Variants in RPS6KC1 observed in about 807,000 individuals in gnomAD.
RPS6KC1 encodes the protein ribosomal protein S6 kinase C1.
Under a neutral mutation model 103.8 loss-of-function variants are expected in RPS6KC1, and 54 were observed. The observed-to-expected ratio is 0.52, with a 90% CI of 0.42 to 0.65. RPS6KC1 has a LOEUF of 0.65. RPS6KC1 is among the 30% of genes least tolerant of loss of function. The pLI is 0.00. For synonymous variants in RPS6KC1, 439 were observed against 438.7 expected (o/e 1.00, Z -0.01); for missense variants, 1,151 against 1,253.8 (o/e 0.92, Z 1.24).
chr1:213,682,394 G>A, the RPS6KC1 span, among the ~76,000 whole-genome samples: 1 of 152,274 alleles, frequency 6.6e-6, no homozygotes, highest in African/African-American at 2.4e-5. Flanking sequence ...TACGTGTCAC[G>A]TCTTCTGCCA....
At chr1:213,255,172 T>TCCCATGCCTGTGGTCCTGGGA (rs1295955086) in intron 12 of RPS6KC1, among the ~76,000 whole-genome samples, 8 of 151,640 alleles carry the variant, frequency 5.3e-5, no homozygotes, top group African/African-American at 1.7e-4. Context: ...CCAAGTGTGG[T>TCCCATGCCTGTGGTCCTGGGA]CCCATGCCTG....
chr1:213,525,939 G>T, the RPS6KC1 span, among the ~76,000 whole-genome samples: 1 of 152,164 alleles, frequency 6.6e-6, no homozygotes, highest in Admixed American at 6.5e-5. Context: ...CTTATTTAAA[G>T]AATTGTGCTG....
chr1:213,819,245 T>A, the RPS6KC1 span: 1 of 152,278 alleles, frequency 6.6e-6, no homozygotes, highest in Non-Finnish European at 1.5e-5. Flanking sequence ...AGGAAGGAAG[T>A]CCATTCAGCT....
the RPS6KC1 span, among the ~76,000 whole-genome samples, chr1:213,830,022 G>C: frequency 2.0e-5 from 3 of 152,300 alleles, no homozygotes; most frequent in South Asian, 6.2e-4. Context: ...GATTAGGCCT[G>C]TCAGAACCTC....
chr1:213,317,274 A>C, the RPS6KC1 span, among the ~76,000 whole-genome samples: 1 of 152,000 alleles, frequency 6.6e-6, no homozygotes, highest in East Asian at 1.9e-4. Flanking sequence ...CCTATTGTAC[A>C]TTCTCTGTCT....
chr1:213,826,602 C>T, the RPS6KC1 span, among the ~76,000 whole-genome samples: 172 of 152,136 alleles, frequency 1.1e-3, no homozygotes, highest in Non-Finnish European at 1.8e-3. Flanking sequence ...TTTAAGATGG[C>T]AAAAGCAGGG....
intron 8 of RPS6KC1, among the ~76,000 whole-genome samples, chr1:213,230,116 TAGG>T (rs1481619690): frequency 6.6e-6 from 1 of 152,206 alleles, no homozygotes; most frequent in Non-Finnish European, 1.5e-5. Flanking sequence ...AGTTGCTACA[TAGG>T]AGATTTTAGG....
At chr1:213,789,695 T>C in the RPS6KC1 span, among the ~76,000 whole-genome samples, 1 of 152,192 alleles carries the variant, frequency 6.6e-6, no homozygotes, top group African/African-American at 2.4e-5. Context: ...GATAGTACAA[T>C]GTGACCAATT....
the RPS6KC1 span, among the ~76,000 whole-genome samples, chr1:213,405,714 A>G: frequency 6.6e-6 from 1 of 152,338 alleles, no homozygotes; most frequent in Admixed American, 6.5e-5. Flanking sequence ...AATGGCCAGG[A>G]CTGAGGTTCG....
At chr1:213,553,823 A>T in the RPS6KC1 span, among the ~76,000 whole-genome samples, 1 of 152,022 alleles carries the variant, frequency 6.6e-6, no homozygotes, top group Non-Finnish European at 1.5e-5. Flanking sequence ...CTGTGTGTAT[A>T]ACTTCTTTTG....
At chr1:213,859,939 T>C in the RPS6KC1 span, among the ~76,000 whole-genome samples, 4 of 152,020 alleles carry the variant, frequency 2.6e-5, no homozygotes, top group Non-Finnish European at 5.9e-5. Context: ...ACCCATCTTT[T>C]TGGAAGTAGA....
At chr1:213,278,567 C>T (rs2095116852), downstream of RPS6KC1, among the ~76,000 whole-genome samples, 1 of 152,196 alleles carries the variant, frequency 6.6e-6, no homozygotes, top group African/African-American at 2.4e-5. Flanking sequence ...TAAAATTGAA[C>T]TCTTCCCCCG....
chr1:213,354,241 A>T, the RPS6KC1 span, among the ~76,000 whole-genome samples: 3 of 152,220 alleles, frequency 2.0e-5, no homozygotes, highest in African/African-American at 7.2e-5. Context: ...AGCTCTTAGC[A>T]TCACCTGGCA....
chr1:213,623,107 G>C, the RPS6KC1 span, among the ~76,000 whole-genome samples: 1 of 152,174 alleles, frequency 6.6e-6, no homozygotes, highest in African/African-American at 2.4e-5. Context: ...TGGCAACCTG[G>C]CTGTAGAAGG....
intron 11 of RPS6KC1, 48 bp downstream of exon 11, chr1:213,242,345 A>T: frequency 6.3e-7 from 1 of 1,594,068 alleles, no homozygotes; most frequent in East Asian, 2.2e-5. Context: ...TGTTGCTTCC[A>T]ATTAACTGAG....
chr1:213,522,337 A>T, the RPS6KC1 span, among the ~76,000 whole-genome samples: 1 of 152,202 alleles, frequency 6.6e-6, no homozygotes, highest in South Asian at 2.1e-4. Flanking sequence ...GCTGTCATCT[A>T]GTCTTTGTTG....
the RPS6KC1 span, among the ~76,000 whole-genome samples, chr1:213,497,241 T>A: frequency 2.0e-5 from 3 of 152,216 alleles, no homozygotes; most frequent in Non-Finnish European, 4.4e-5. Context: ...TGCTATAGCA[T>A]ATGTTTGTTC....
At chr1:213,713,738 C>T in the RPS6KC1 span, among the ~76,000 whole-genome samples, 1 of 152,180 alleles carries the variant, frequency 6.6e-6, no homozygotes, top group Non-Finnish European at 1.5e-5. Flanking sequence ...TTTTCTTTCC[C>T]AGCCTCCTCT....
chr1:213,191,944 G>C (rs1359356858), intron 8 of RPS6KC1, among the ~76,000 whole-genome samples: 1 of 152,058 alleles, frequency 6.6e-6, no homozygotes, highest in Non-Finnish European at 1.5e-5. Context: ...AAGTAGCTGG[G>C]ACTACAGGCA....
Sources: gnomAD v4.1 joint callset for allele counts (sites outside exome capture counted in the v4.1 genomes callset) on GRCh38, gnomAD v4.1.1 for gene constraint, MANE v1.5 for transcripts, NCBI Gene and HGNC (gene_info 2026-07-23, HGNC 2026-07-21) for gene names.